ARL13B: variants seen among roughly 807,000 people sequenced by gnomAD.
ARL13B encodes the protein ARF like GTPase 13B, also known as ADP-ribosylation factor-like protein 13B.
A neutral mutation model predicts 56.1 loss-of-function variants in ARL13B; 36 were observed. The observed-to-expected ratio is 0.64, with a 90% CI of 0.49 to 0.85. The LOEUF (loss-of-function observed/expected upper bound fraction) is 0.85, where lower values mean the gene tolerates loss of function less well. Ranked by LOEUF, ARL13B falls within the 40% of genes least tolerant of loss-of-function variation. ARL13B has a pLI of 0.00. For missense variants in ARL13B, 519 were observed against 507.1 expected, an observed-to-expected ratio of 1.02 and a Z score of -0.23; for synonymous variants, 178 against 171.1, an observed-to-expected ratio of 1.04 and a Z score of -0.32.
At chr3:94,015,146 C>A in intron 3 of ARL13B, 1 of 1,613,982 alleles carries the variant, frequency 6.2e-7, no homozygotes. Context: ...GGCTCTCTTT[C>A]ATAAATAACA....
intron 3 of ARL13B, among the ~76,000 whole-genome samples, chr3:94,022,082 G>C (rs2034357644): frequency 6.6e-6 from 1 of 151,890 alleles, no homozygotes; most frequent in Non-Finnish European, 1.5e-5. Context: ...CCTGTTTCTA[G>C]GTAATTTGCA....
intron 2 of ARL13B, among the ~76,000 whole-genome samples, chr3:93,998,826 A>G (rs537229089): frequency 7.5e-4 from 114 of 151,994 alleles, no homozygotes; most frequent in African/African-American, 2.7e-3. Context: ...TTTTGGTGTC[A>G]CAATTGTTTA....
chr3:94,020,616 C>CTGTT (rs1259078467), intron 3 of ARL13B, among the ~76,000 whole-genome samples: 1 of 152,100 alleles, frequency 6.6e-6, no homozygotes, highest in Non-Finnish European at 1.5e-5. Flanking sequence ...ACCTTGAAAT[C>CTGTT]TGTTTGTGTC....
chr3:94,016,983 A>G (rs1222261465), intron 3 of ARL13B, among the ~76,000 whole-genome samples: 1 of 152,178 alleles, frequency 6.6e-6, no homozygotes, highest in Non-Finnish European at 1.5e-5. Context: ...AATAGTCACT[A>G]TGCTTTTATA....
chr3:94,009,675 T>G (rs935779838), intron 3 of ARL13B, among the ~76,000 whole-genome samples: 3 of 152,070 alleles, frequency 2.0e-5, no homozygotes, highest in Non-Finnish European at 4.4e-5. Context: ...ATTGAATTTA[T>G]AAGGTCTATT....
chr3:94,006,188 G>A (rs1189117821), intron 3 of ARL13B, among the ~76,000 whole-genome samples: 2 of 152,064 alleles, frequency 1.3e-5, no homozygotes, highest in African/African-American at 4.8e-5. Context: ...CCAGCTACTC[G>A]GGAGGCTGAG....
chr3:94,029,548 C>T (rs1367210411), intron 3 of ARL13B, among the ~76,000 whole-genome samples: 3 of 151,378 alleles, frequency 2.0e-5, no homozygotes, highest in East Asian at 2.0e-4. Flanking sequence ...ACCATGTTTG[C>T]CAGGCTGGTC....
At chr3:93,997,106 A>C (rs1399999241) in intron 2 of ARL13B, among the ~76,000 whole-genome samples, 4 of 152,038 alleles carry the variant, frequency 2.6e-5, no homozygotes, top group Non-Finnish European at 4.4e-5. Context: ...GCAGGAAAAC[A>C]AGCTTGGGGT....
At chr3:94,012,640 T>C (rs2076245079) in intron 3 of ARL13B, among the ~76,000 whole-genome samples, 3 of 152,170 alleles carry the variant, frequency 2.0e-5, no homozygotes, top group Non-Finnish European at 2.9e-5. Flanking sequence ...GTAAAAATAG[T>C]GTCTACTTCA....
chr3:94,037,073 A>G (rs1456065386), intron 5 of ARL13B, among the ~76,000 whole-genome samples: 2 of 152,076 alleles, frequency 1.3e-5, no homozygotes, highest in Non-Finnish European at 2.9e-5. Context: ...AACATTTGGC[A>G]GTGTCTGGAG....
At chr3:93,991,519 C>T (rs1196239903) in intron 1 of ARL13B, among the ~76,000 whole-genome samples, 1 of 152,104 alleles carries the variant, frequency 6.6e-6, no homozygotes, top group Non-Finnish European at 1.5e-5. Flanking sequence ...GGACTGTAGG[C>T]ACACATCACC....
chr3:94,034,458 A>G (rs1256224637), intron 3 of ARL13B, among the ~76,000 whole-genome samples: 1 of 151,548 alleles, frequency 6.6e-6, no homozygotes, highest in Non-Finnish European at 1.5e-5. Context: ...TGTAGAATAT[A>G]TTGGTTTTCC....
Position 94,050,812 on chromosome 3 carries a change from C to G in ARL13B, c.1142-12C>G, listed in dbSNP as rs201429461. On this transcript the variant is annotated splice_polypyrimidine_tract_variant and intron_variant, in intron 8 of 9. Transcript: ENST00000394222. The stretch of plus-strand genomic sequence containing the variant: ...TTAACAGTGTTTTTTAAATGTTTTT[C>G]TTTTTCTTTAGTTGGCTGGGGAACC... 4 of 1,609,810 alleles carry G rather than the reference C, an allele frequency of 2.5e-6. No homozygotes were observed. Among genetic ancestry groups the G allele is most frequent in the Non-Finnish European group, 3.4e-6 (4 of 1,179,060 alleles).
intron 3 of ARL13B, among the ~76,000 whole-genome samples, chr3:94,024,434 T>G (rs2076514316): frequency 6.6e-6 from 1 of 152,234 alleles, no homozygotes. Flanking sequence ...ATACAATGGT[T>G]CAGTAGCTTT....
At chr3:94,011,496 C>T (rs1160342608) in intron 3 of ARL13B, among the ~76,000 whole-genome samples, 1 of 152,132 alleles carries the variant, frequency 6.6e-6, no homozygotes, top group Non-Finnish European at 1.5e-5. Flanking sequence ...GAAATAGAAA[C>T]CATCGCACAA....
At chr3:94,034,109 G>A (rs2076725401) in intron 3 of ARL13B, among the ~76,000 whole-genome samples, 1 of 152,084 alleles carries the variant, frequency 6.6e-6, no homozygotes, top group Non-Finnish European at 1.5e-5. Flanking sequence ...AAGACTTACT[G>A]TTAATTTTGT....
intron 3 of ARL13B, among the ~76,000 whole-genome samples, chr3:94,026,304 T>G (rs1000217913): frequency 1.3e-5 from 2 of 152,258 alleles, no homozygotes; most frequent in Non-Finnish European, 2.9e-5. Context: ...AACTTACGAT[T>G]ACATCAAATT....
chr3:94,041,327 A>C (rs905057163), intron 6 of ARL13B, among the ~76,000 whole-genome samples: 2 of 152,198 alleles, frequency 1.3e-5, no homozygotes, highest in African/African-American at 4.8e-5. Context: ...GAGAGAAAAA[A>C]ATAATAGAAC....
intron 2 of ARL13B, among the ~76,000 whole-genome samples, chr3:94,003,019 A>T (rs1159181409): frequency 6.6e-6 from 1 of 152,122 alleles, no homozygotes; most frequent in African/African-American, 2.4e-5. Context: ...GGCAGTTCAT[A>T]TACCTCCTGT....
Sources: gnomAD v4.1 joint callset for allele counts (sites outside exome capture counted in the v4.1 genomes callset) on GRCh38, gnomAD v4.1.1 for gene constraint, MANE v1.5 for transcripts, NCBI Gene and HGNC (gene_info 2026-07-23, HGNC 2026-07-21) for gene names.